The following TEDC2 variants were observed in gnomAD, a reference collection of about 807,000 sequenced individuals.
TEDC2 encodes the protein tubulin epsilon and delta complex protein 2.
In TEDC2, 49 loss-of-function variants were observed where a neutral mutation model predicts 48.1. The observed-to-expected ratio is 1.02, with a 90% CI of 0.81 to 1.29. The LOEUF is 1.29. Among genes scored for constraint, TEDC2 ranks in the 50% most tolerant of loss-of-function variants. TEDC2 has a pLI of 0.00. For synonymous variants in TEDC2, 299 were observed against 247.1 expected (o/e 1.21, Z -1.97); for missense variants, 631 against 571.4 (o/e 1.10, Z -1.06).
Position 2,462,133 on chromosome 16 carries a change from C to G in TEDC2, c.660-16C>G, listed in dbSNP as rs755479631. On this transcript the variant is annotated splice_polypyrimidine_tract_variant and intron_variant, in intron 5 of 9. Transcript: ENST00000361837. ...CCCTCTGTGGTTCCTCTGTGCACCCCACGTGTGCACCCCAGCCTGTGGGCC... is the reference window on the plus strand; with the variant it reads ...CCCTCTGTGGTTCCTCTGTGCACCCGACGTGTGCACCCCAGCCTGTGGGCC... The G allele has an allele frequency of 6.2e-7, 1 of 1,606,696 alleles. No homozygotes were observed. The highest frequency in any genetic ancestry group is 1.7e-4 in the Middle Eastern group (1 of 6,050).
chr16:2,463,060 G>C (rs1231868791), intron 8 of TEDC2, among the ~76,000 whole-genome samples: 1 of 152,332 alleles, frequency 6.6e-6, no homozygotes, highest in African/African-American at 2.4e-5. Flanking sequence ...GGTGGCTCAC[G>C]CCTGTAATCC....
At position 2,462,743 on chromosome 16, in the gene TEDC2, G is replaced by A. The variant is rs758494085; in HGVS notation, c.964+11G>A. 2.0e-5 allele frequency: 31 copies of A among 1,530,124 alleles called. No individual in the cohort carries two copies. Among genetic ancestry groups the A allele is most frequent in the African/African-American group, 1.4e-5 (1 of 72,708 alleles). 94.8% of individuals were successfully genotyped at this position (1,530,124 alleles called of 1,614,324 possible). On this transcript the variant is annotated intron_variant, in intron 8 of 9. Coordinates refer to ENST00000361837, the MANE Select transcript of TEDC2 (RefSeq NM_025108.3). ...AGGAGCTGCGTGCAGGTGAGACCCC[G>A]CCCCCACCCTGCCACCTGCACTGAG...
chr16:2,461,697 T>G (rs766173817), intron 4 of TEDC2, 50 bp from the exon 5 acceptor site: 11 of 1,608,516 alleles, frequency 6.8e-6, no homozygotes, highest in Non-Finnish European at 9.4e-6. Context: ...GTGGGACTTG[T>G]AGACCCCAGA....
At position 2,462,626 on chromosome 16, in the gene TEDC2, T is replaced by A; in HGVS notation, c.863-5T>A. On this transcript the variant is annotated splice_region_variant and splice_polypyrimidine_tract_variant and intron_variant, in intron 7 of 9. Coordinates refer to ENST00000361837, the MANE Select transcript of TEDC2 (RefSeq NM_025108.3). ...CCCCACCTGCTCTCCCTGACTCTTC[T>A]GCAGCCCCCATGGACTGGATGCAGG... The A allele has an allele frequency of 1.3e-6, 2 of 1,542,700 alleles. No individual in the cohort carries two copies. The highest frequency in any genetic ancestry group is 1.7e-6 in the Non-Finnish European group (2 of 1,143,730).
chr16:2,463,432 G>C (rs2065479965), intron 8 of TEDC2, among the ~76,000 whole-genome samples: 1 of 152,138 alleles, frequency 6.6e-6, no homozygotes, highest in African/African-American at 2.4e-5. Context: ...TTCAAGACCA[G>C]CCTGGCCGAC....
chr16:2,462,859 C>T lies in TEDC2; in HGVS notation c.964+127C>T. The T allele has an allele frequency of 5.1e-6, 4 of 787,222 alleles. No individual in the cohort carries two copies. In the South Asian group the frequency reaches 7.3e-5, roughly 14 times the overall value. 48.8% of individuals were successfully genotyped at this position (787,222 alleles called of 1,614,324 possible). A position where few individuals can be genotyped will look rare whatever the true frequency, so the allele number is the denominator to read the frequency against. On this transcript the variant is annotated intron_variant, in intron 8 of 9. Coordinates refer to ENST00000361837, the MANE Select transcript of TEDC2 (RefSeq NM_025108.3). ...AGGGACCAGATGCAAGTTGGTGGGC[C>T]CCTCCACCCCTCCCACGCCACTCCC...
At chr16:2,460,454 G>A in intron 2 of TEDC2, 73 bp downstream of exon 2, 1 of 1,517,264 alleles carries the variant, frequency 6.6e-7, no homozygotes, top group Non-Finnish European at 8.9e-7. Flanking sequence ...GCCCAGGGCT[G>A]GGAGACCGGG....
chr16:2,463,164 A>C (rs748070172), intron 8 of TEDC2, among the ~76,000 whole-genome samples: 11 of 151,880 alleles, frequency 7.2e-5, no homozygotes, highest in Non-Finnish European at 1.5e-4. Context: ...TACTAAAAAT[A>C]TAAAAAAGTA....
Position 2,464,530 on chromosome 16 carries a change from G to A in TEDC2, c.1164G>A (p.Met388Ile). The A allele has an allele frequency of 1.3e-6, 2 of 1,571,660 alleles. No homozygotes were observed. Among genetic ancestry groups the A allele is most frequent in the Non-Finnish European group, 1.7e-6 (2 of 1,166,176 alleles). The change falls in exon 10 of 10, where the codon ATG (methionine) becomes ATA (isoleucine). Residue 388 changes from methionine (M) to isoleucine (I), a missense_variant. Coordinates refer to ENST00000361837, the MANE Select transcript of TEDC2 (RefSeq NM_025108.3). ...DQQIHLEKVL[M>I]AELLPLVSAA... ...CCCTGCCCTGCCCCCAGGTCCTGAT[G>A]GCTGAACTCCTCCCCCTGGTAAGCG...
chr16:2,464,104 G>C lies in TEDC2; in HGVS notation c.1030G>C (p.Gly344Arg). 6.2e-7 allele frequency: 1 copy of C among 1,612,872 alleles called. No homozygotes were observed. Among genetic ancestry groups the C allele is most frequent in the South Asian group, 1.1e-5 (1 of 91,072 alleles). ...GRPPGASPSC[G>R]GRAEPAWSPQ... is the part of the protein sequence containing the mutation. ...GCCCCCCGGAGCCTCGCCGTCCTGTGGGGGTAGAGCGGAGCCTGCATGGAG... is the reference window on the plus strand; with the variant it reads ...GCCCCCCGGAGCCTCGCCGTCCTGTCGGGGTAGAGCGGAGCCTGCATGGAG... The change falls in exon 9 of 10, where the codon GGG becomes CGG. Residue 344 changes from glycine (G) to arginine (R), a missense_variant. Transcript: ENST00000361837.
intron 4 of TEDC2, 38 bp from the exon 5 acceptor site, chr16:2,461,709 C>G: frequency 6.2e-7 from 1 of 1,611,702 alleles, no homozygotes; most frequent in Non-Finnish European, 8.5e-7. Flanking sequence ...GACCCCAGAG[C>G]AAGGCGATGC....
Position 2,462,705 on chromosome 16 carries a change from C to G in TEDC2, c.937C>G (p.Leu313Val), listed in dbSNP as rs1485595507. The part of the protein sequence containing the change: ...EGLQAMVGQC[L>V]HRLQELRAAV... ...GCTGCAGGCCATGGTGGGCCAGTGTCTGCACAGGCTGCAGGAGCTGCGTGC... is the reference window on the plus strand; with the variant it reads ...GCTGCAGGCCATGGTGGGCCAGTGTGTGCACAGGCTGCAGGAGCTGCGTGC... The change falls in exon 8 of 10, where the codon CTG becomes GTG. Residue 313 changes from leucine to valine, a missense_variant. Coordinates refer to ENST00000361837, the MANE Select transcript of TEDC2 (RefSeq NM_025108.3). 6.5e-7 allele frequency: 1 copy of G among 1,544,026 alleles called. No individual in the cohort carries two copies. Among genetic ancestry groups the G allele is most frequent in the Admixed American group, 2.0e-5 (1 of 50,976 alleles).
rs370374435 is a variant in TEDC2, at chr16:2,462,276, C to T, written c.750+37C>T. Reference sequence around the variant, plus strand: ...GGGCTTGTGGGAGCCCTGGGGGCCTCTAGCTCTGAACCTGGCAGGTTTGCA... The same window carrying T: ...GGGCTTGTGGGAGCCCTGGGGGCCTTTAGCTCTGAACCTGGCAGGTTTGCA... On this transcript the variant is annotated intron_variant, in intron 6 of 9. Transcript: ENST00000361837. 63 of 1,610,302 alleles carry T rather than the reference C, an allele frequency of 3.9e-5. No homozygotes were observed. In the East Asian group the frequency reaches 1.2e-3, roughly 31 times the overall value.
intron 6 of TEDC2, 73 bp downstream of exon 6, chr16:2,462,312 A>G (rs1033584007): frequency 1.4e-5 from 22 of 1,596,540 alleles, no homozygotes; most frequent in South Asian, 3.3e-5. Flanking sequence ...GAGCAGCCCC[A>G]GGAGGGGCTG....
chr16:2,464,676 C>G lies in TEDC2; in HGVS notation c.*8C>G. ...GATGAACCTGCAGTCTGAGCCTTTC[C>G]CATGCTGCCCTCGGCCTGTTCAGAT... On this transcript the variant is annotated 3_prime_UTR_variant, in exon 10 of 10. Transcript: ENST00000361837. The G allele has an allele frequency of 6.2e-7, 1 of 1,612,898 alleles. No individual in the cohort carries two copies.
rs947267924 is a variant in TEDC2 at position 2,462,726 on chromosome 16, C to T, written c.958C>T (p.Arg320Cys). 13 of 1,539,810 alleles carry T rather than the reference C, an allele frequency of 8.4e-6. No homozygotes were observed. Among genetic ancestry groups the T allele is most frequent in the African/African-American group, 1.4e-5 (1 of 72,952 alleles). The change falls in exon 8 of 10, where the codon CGT becomes TGT. Residue 320 changes from arginine to cysteine, a missense_variant. By Grantham distance (180) the Arg-to-Cys change is radical. Coordinates refer to ENST00000361837, the MANE Select transcript of TEDC2 (RefSeq NM_025108.3). ...GQCLHRLQELRAAVAEQPPRP... is the reference protein window; with the variant it reads ...GQCLHRLQELCAAVAEQPPRP... ...GTGTCTGCACAGGCTGCAGGAGCTG[C>T]GTGCAGGTGAGACCCCGCCCCCACC...
At chr16:2,463,415 T>A (rs1009840252) in intron 8 of TEDC2, among the ~76,000 whole-genome samples, 2 of 152,004 alleles carry the variant, frequency 1.3e-5, no homozygotes, top group Non-Finnish European at 2.9e-5. Context: ...TCATTTGAGG[T>A]CAGGAGTTCA....
chr16:2,460,640 G>A lies in TEDC2; in HGVS notation c.143G>A (p.Arg48Gln). Residue 48 changes from arginine to glutamine, a missense_variant, in exon 3 of 10, where the codon CGG becomes CAG. Transcript: ENST00000361837. ...LLHAWEPTGTRALKPPPGPET... is the reference protein window; with the variant it reads ...LLHAWEPTGTQALKPPPGPET... ...CTTTGCAGGGAACCAACTGGGACCC[G>A]GGCTTTGAAGCCACCTCCAGGGCCA... The A allele has an allele frequency of 6.2e-7, 1 of 1,612,980 alleles. No individual in the cohort carries two copies. The highest frequency in any genetic ancestry group is 8.5e-7 in the Non-Finnish European group (1 of 1,179,980).
In TEDC2 at chr16:2,460,976, C is replaced by T. The variant is rs2065462925; in HGVS notation, c.357C>T (p.Ala119=). The T allele has an allele frequency of 1.9e-6, 3 of 1,613,370 alleles. No homozygotes were observed. Among genetic ancestry groups the T allele is most frequent in the Non-Finnish European group, 1.7e-6 (2 of 1,180,002 alleles). The part of the protein sequence containing the change: ...RSIVTSSGTT[A]SAPPHSPGQA... ...TTGTCACCTCTTCTGGCACGACAGC[C>T]TCCGCCCCACCGCATTCCCCAGGCC... is the stretch of plus-strand genomic sequence containing the variant. The change falls in exon 4 of 10, where the codon GCC becomes GCT. Residue 119 remains alanine (A), a synonymous_variant. Coordinates refer to ENST00000361837, the MANE Select transcript of TEDC2 (RefSeq NM_025108.3).
Sources: allele counts gnomAD v4.1 joint callset (sites outside exome capture counted in the v4.1 genomes callset), GRCh38; gene constraint gnomAD v4.1.1; transcripts MANE v1.5; gene names NCBI Gene and HGNC (gene_info 2026-07-23, HGNC 2026-07-21).